Variants in CNTN5 observed in about 807,000 individuals in gnomAD.
CNTN5 encodes the protein contactin 5.
A neutral mutation model predicts 129.1 loss-of-function variants in CNTN5; 77 were observed. The observed-to-expected ratio is 0.60, with a 90% CI of 0.50 to 0.72. CNTN5 has a LOEUF of 0.72. Ranked by LOEUF, CNTN5 falls within the 30% of genes least tolerant of loss-of-function variation. CNTN5 has a pLI of 0.00. For missense variants in CNTN5, 1,478 were observed against 1,328.8 expected (o/e 1.11, Z -1.75); for synonymous variants, 509 against 465.6 (o/e 1.09, Z -1.20).
intron 20 of CNTN5, among the ~76,000 whole-genome samples, chr11:100,303,721 C>T (rs909786599): frequency 3.3e-5 from 5 of 151,616 alleles, no homozygotes; most frequent in African/African-American, 9.7e-5. Flanking sequence ...GCTACCACAG[C>T]TCAAATTAAA....
intron 2 of CNTN5, among the ~76,000 whole-genome samples, chr11:99,478,244 C>T (rs887775962): frequency 1.3e-5 from 2 of 151,984 alleles, no homozygotes; most frequent in African/African-American, 2.4e-5. Context: ...TATCTGAAGA[C>T]TCAGTTGGAA....
At chr11:100,048,992 T>G (rs774849857) in intron 9 of CNTN5, among the ~76,000 whole-genome samples, 1 of 152,080 alleles carries the variant, frequency 6.6e-6, no homozygotes, top group Non-Finnish European at 1.5e-5. Flanking sequence ...TTAAATACAT[T>G]TATTCTTTTA....
chr11:99,096,445 C>T (rs1866470165), intron 1 of CNTN5, among the ~76,000 whole-genome samples: 1 of 151,736 alleles, frequency 6.6e-6, no homozygotes, highest in African/African-American at 2.4e-5. Context: ...GAACAGTCGC[C>T]TAATTGTTTC....
intron 13 of CNTN5, among the ~76,000 whole-genome samples, chr11:100,148,197 G>T (rs1429441926): frequency 6.6e-6 from 1 of 152,048 alleles, no homozygotes; most frequent in African/African-American, 2.4e-5. Flanking sequence ...TATCTCTGCA[G>T]CTTTGAGATA....
chr11:99,645,121 G>C (rs1298875762), intron 3 of CNTN5, among the ~76,000 whole-genome samples: 1 of 120,784 alleles, frequency 8.3e-6, no homozygotes, highest in Non-Finnish European at 1.9e-5. Context: ...AAAGCCAGGC[G>C]TGATGCTGGG....
chr11:99,413,961 A>G (rs374071056), intron 2 of CNTN5, among the ~76,000 whole-genome samples: 205 of 152,362 alleles, frequency 1.3e-3, no homozygotes, highest in African/African-American at 4.7e-3. Context: ...ACTTATGGCC[A>G]GCCAAAAACC....
intron 3 of CNTN5, among the ~76,000 whole-genome samples, chr11:99,809,113 C>A (rs558179913): frequency 6.6e-6 from 1 of 152,220 alleles, no homozygotes; most frequent in African/African-American, 2.4e-5. Context: ...AGTGAGGACT[C>A]CCCCAGGCCC....
intron 13 of CNTN5, among the ~76,000 whole-genome samples, chr11:100,077,279 G>A (rs1403376976): frequency 1.3e-5 from 2 of 152,002 alleles, no homozygotes; most frequent in South Asian, 2.1e-4. Flanking sequence ...TTCAAATCAT[G>A]GCTTATTTTA....
At chr11:100,236,203 C>T (rs1180549160) in intron 16 of CNTN5, among the ~76,000 whole-genome samples, 1 of 152,120 alleles carries the variant, frequency 6.6e-6, no homozygotes, top group East Asian at 1.9e-4. Flanking sequence ...GATAAATTCC[C>T]CCACACTCCC....
chr11:99,277,835 G>A (rs572146773), intron 1 of CNTN5, among the ~76,000 whole-genome samples: 1 of 151,624 alleles, frequency 6.6e-6, no homozygotes, highest in African/African-American at 2.4e-5. Context: ...GCGAAAAGTT[G>A]ACTAGTGTCT....
chr11:99,100,750 A>G (rs1866692825), intron 1 of CNTN5, among the ~76,000 whole-genome samples: 1 of 152,180 alleles, frequency 6.6e-6, no homozygotes, highest in African/African-American at 2.4e-5. Context: ...AATTTAAACC[A>G]AAGTGTACAA....
At chr11:99,052,878 G>T (rs1216262448) in intron 1 of CNTN5, among the ~76,000 whole-genome samples, 2 of 151,730 alleles carry the variant, frequency 1.3e-5, no homozygotes, top group Non-Finnish European at 2.9e-5. Flanking sequence ...TATAATAAAA[G>T]AAACTTTTCT....
intron 3 of CNTN5, among the ~76,000 whole-genome samples, chr11:99,753,280 G>A (rs1469128664): frequency 1.3e-5 from 2 of 151,396 alleles, no homozygotes; most frequent in African/African-American, 4.9e-5. Flanking sequence ...CCGCCACCAT[G>A]CCCGGCTAAT....
chr11:99,272,645 A>T (rs1863229756), intron 1 of CNTN5, among the ~76,000 whole-genome samples: 1 of 151,766 alleles, frequency 6.6e-6, no homozygotes, highest in Non-Finnish European at 1.5e-5. Flanking sequence ...TAACATGGGA[A>T]CTATGGTGAA....
chr11:99,689,769 A>G (rs1052035443), intron 3 of CNTN5, among the ~76,000 whole-genome samples: 9 of 151,734 alleles, frequency 5.9e-5, no homozygotes, highest in Non-Finnish European at 7.4e-5. Flanking sequence ...CCACTTTTCA[A>G]TGGGGTTCTT....
chr11:99,198,202 A>G (rs1370423858), intron 1 of CNTN5, among the ~76,000 whole-genome samples: 2 of 152,148 alleles, frequency 1.3e-5, no homozygotes, highest in Non-Finnish European at 2.9e-5. Context: ...ATCTGCAAGT[A>G]TAAGCTCTAT....
At chr11:100,217,227 T>C (rs1949156827) in intron 15 of CNTN5, among the ~76,000 whole-genome samples, 1 of 145,212 alleles carries the variant, frequency 6.9e-6, no homozygotes, top group Admixed American at 6.8e-5. Flanking sequence ...AGATCAAGTA[T>C]GATAAAAAGA....
intron 2 of CNTN5, among the ~76,000 whole-genome samples, chr11:99,429,158 A>G (rs551395171): frequency 4.7e-4 from 71 of 152,284 alleles, no homozygotes; most frequent in African/African-American, 1.7e-3. Flanking sequence ...CACCTTATTT[A>G]TTAAAGATTT....
At chr11:99,767,821 A>T (rs188502460) in intron 3 of CNTN5, among the ~76,000 whole-genome samples, 187 of 152,220 alleles carry the variant, frequency 1.2e-3, no homozygotes, top group African/African-American at 4.4e-3. Flanking sequence ...TTCCACTTCT[A>T]TAATAAAATG....
Sources: allele counts gnomAD v4.1 joint callset (sites outside exome capture counted in the v4.1 genomes callset), GRCh38; gene constraint gnomAD v4.1.1; transcripts MANE v1.5; gene names NCBI Gene and HGNC (gene_info 2026-07-23, HGNC 2026-07-21).